COL22A1: variants seen among roughly 807,000 people sequenced by gnomAD.
COL22A1 encodes the protein collagen alpha-1(XXII) chain.
Under a neutral mutation model 248.9 loss-of-function variants are expected in COL22A1, and 221 were observed. The ratio of observed to expected loss-of-function variants is 0.89; its 90% CI spans 0.80 to 0.99. COL22A1 has a LOEUF of 0.99. COL22A1 is among the 50% of genes least tolerant of loss of function. The probability of loss-of-function intolerance (pLI) is 0.00; values close to 1 mark genes in which losing one functional copy is unlikely to be tolerated. For missense variants in COL22A1, 2,240 were observed against 2,179.0 expected, an observed-to-expected ratio of 1.03 and a Z score of -0.56; for synonymous variants, 891 against 793.4, an observed-to-expected ratio of 1.12 and a Z score of -2.07.
chr8:138,796,030 G>A (rs956863244), intron 12 of COL22A1, among the ~76,000 whole-genome samples: 21 of 152,308 alleles, frequency 1.4e-4, no homozygotes, highest in African/African-American at 4.1e-4. Flanking sequence ...CATTTGCACT[G>A]TAAAGTCTTG....
intron 2 of COL22A1, among the ~76,000 whole-genome samples, chr8:138,879,579 C>G (rs1824013385): frequency 1.3e-5 from 2 of 151,336 alleles, no homozygotes; most frequent in Admixed American, 1.3e-4. Flanking sequence ...GTAATCCCAG[C>G]TACTCAGGAG....
rs577854575 is a variant in COL22A1, at chr8:138,611,137, G to A, written c.3978+2730C>T. 3.9e-4 allele frequency among the ~76,000 whole-genome samples: 59 copies of A among 152,296 alleles called. No individual in the cohort carries two copies. In the South Asian group the frequency reaches 3.9e-3, roughly 10 times the overall value. Reference sequence around the variant, plus strand: ...GTTTGCACTCATCAAGAATTTGATCGCTGCCCTATGCCAAGAGGCCAGGGA... The same window carrying A: ...GTTTGCACTCATCAAGAATTTGATCACTGCCCTATGCCAAGAGGCCAGGGA... On this transcript the variant is annotated intron_variant, in intron 56 of 64. Transcript: ENST00000303045.
chr8:138,664,933 C>T (rs1157185707), intron 41 of COL22A1, among the ~76,000 whole-genome samples: 1 of 152,102 alleles, frequency 6.6e-6, no homozygotes, highest in African/African-American at 2.4e-5. Context: ...AGTCCCACAT[C>T]CTGCCCTCAG....
chr8:138,680,991 C>G (rs544272266), intron 39 of COL22A1, among the ~76,000 whole-genome samples: 1 of 151,894 alleles, frequency 6.6e-6, no homozygotes, highest in African/African-American at 2.4e-5. Context: ...CTCTTCCCCC[C>G]GGGGGGGGTC....
rs528506723 is a variant in COL22A1, at chr8:138,851,447, G to A, written c.659-7289C>T. On this transcript the variant is annotated intron_variant, in intron 3 of 64. Transcript: ENST00000303045. ...TTCAGAGCAATGGAGAGCTCACTCT[G>A]CCAGGTAGCAGCAGGCGCTGCTCAT... Among the ~76,000 whole-genome samples, 23 of 152,362 alleles carry A rather than the reference G, an allele frequency of 1.5e-4. No homozygotes were observed. The East Asian group carries it at 4.1e-3, about 27-fold the overall frequency.
chr8:138,878,151 G>T lies in COL22A1; in HGVS notation c.257C>A (p.Pro86His), dbSNP rs1387473020. 1 of 1,605,632 alleles carries T rather than the reference G, an allele frequency of 6.2e-7. No individual in the cohort carries two copies. Among genetic ancestry groups the T allele is most frequent in the Non-Finnish European group, 8.5e-7 (1 of 1,176,878 alleles). ...GAGTCCCAACTCGAAGGCCGTGGTG[G>T]GCCGGTCGCTGTAGCGCACGACCCC... ...RVGVVRYSDR[P>H]TTAFELGLFG... Residue 86 changes from proline (P) to histidine (H), a missense_variant, in exon 3 of 65, where the codon CCC (proline) becomes CAC (histidine). By Grantham distance (77) the Pro-to-His change is moderately conservative. Transcript: ENST00000303045.
chr8:138,779,662 C>T lies in COL22A1; in HGVS notation c.1651-100G>A, dbSNP rs951736666. 8 of 760,640 alleles carry T rather than the reference C, an allele frequency of 1.1e-5. No homozygotes were observed. In the African/African-American group the frequency reaches 1.2e-4, roughly 11 times the overall value. The allele number at this position is 760,640 out of a possible 1,614,324, so 47.1% of individuals were successfully genotyped here. ...CCCAGGGCCTCTGCTTCCTGCAGCT[C>T]AGAACACATCACAGAAACAAGGTAG... On this transcript the variant is annotated intron_variant, in intron 13 of 64. Transcript: ENST00000303045.
intron 36 of COL22A1, 145 bp downstream of exon 36, chr8:138,690,676 G>T: frequency 3.4e-6 from 2 of 595,392 alleles, no homozygotes; most frequent in Non-Finnish European, 2.8e-6. Context: ...GGTGGTCTAT[G>T]TCAGGACAGC....
At chr8:138,724,206 G>C (rs1320252994) in intron 25 of COL22A1, among the ~76,000 whole-genome samples, 1 of 152,200 alleles carries the variant, frequency 6.6e-6, no homozygotes, top group African/African-American at 2.4e-5. Flanking sequence ...GTTTGCAAGG[G>C]AGAAAACATG....
At chr8:138,596,455 G>A (rs1817545542) in intron 62 of COL22A1, among the ~76,000 whole-genome samples, 1 of 152,142 alleles carries the variant, frequency 6.6e-6, no homozygotes, top group Non-Finnish European at 1.5e-5. Context: ...ATGTTCATCT[G>A]TCCTCTTTTA....
At chr8:138,633,518 G>A (rs1176442434) in intron 49 of COL22A1, among the ~76,000 whole-genome samples, 2 of 152,240 alleles carry the variant, frequency 1.3e-5, no homozygotes, top group African/African-American at 4.8e-5. Context: ...AGATGAGGCT[G>A]TAATCCATTA....
intron 11 of COL22A1, among the ~76,000 whole-genome samples, chr8:138,800,577 T>C (rs1014007500): frequency 3.3e-5 from 5 of 152,138 alleles, no homozygotes; most frequent in African/African-American, 1.2e-4. Flanking sequence ...GAACCAAAAT[T>C]TGAATGTAGG....
At chr8:138,603,360 C>A (rs2131840510) in intron 59 of COL22A1, among the ~76,000 whole-genome samples, 1 of 152,232 alleles carries the variant, frequency 6.6e-6, no homozygotes, top group Middle Eastern at 3.4e-3. Flanking sequence ...AGCACAGAGC[C>A]TTGAAAGTTG....
At chr8:138,694,023 A>T (rs902269132) in intron 34 of COL22A1, among the ~76,000 whole-genome samples, 1 of 152,112 alleles carries the variant, frequency 6.6e-6, no homozygotes, top group Non-Finnish European at 1.5e-5. Context: ...CTACCATAGC[A>T]CAGAGTCTCC....
At chr8:138,633,770 C>A (rs1480358791) in intron 49 of COL22A1, among the ~76,000 whole-genome samples, 1 of 152,102 alleles carries the variant, frequency 6.6e-6, no homozygotes, top group African/African-American at 2.4e-5. Flanking sequence ...AAATACAGTG[C>A]AAAGCAACTA....
chr8:138,862,146 A>T (rs1822533227), intron 3 of COL22A1, among the ~76,000 whole-genome samples: 1 of 151,958 alleles, frequency 6.6e-6, no homozygotes. Flanking sequence ...TGAACCCAGG[A>T]GGTGAAGGTT....
At chr8:138,647,488 T>C (rs927356060) in intron 46 of COL22A1, among the ~76,000 whole-genome samples, 3 of 152,152 alleles carry the variant, frequency 2.0e-5, no homozygotes, top group Non-Finnish European at 4.4e-5. Context: ...AGAAATAGAG[T>C]CTGAATTATG....
chr8:138,592,734 TCGG>T (rs765299046), intron 63 of COL22A1, among the ~76,000 whole-genome samples: 58 of 95,980 alleles, frequency 6.0e-4, no homozygotes, highest in African/African-American at 2.1e-3. Context: ...TTATTCCTAA[TCGG>T]TCGGACAGGA....
intron 52 of COL22A1, among the ~76,000 whole-genome samples, chr8:138,620,993 CCACCCATCCAT>C (rs1564106710): frequency 1.3e-4 from 3 of 22,952 alleles, no homozygotes; most frequent in African/African-American, 2.0e-4. Context: ...ATCCATCCAT[CCACCCATCCAT>C]CCATCCATCC....
Sources: gnomAD v4.1 joint callset for allele counts (sites outside exome capture counted in the v4.1 genomes callset) on GRCh38, gnomAD v4.1.1 for gene constraint, MANE v1.5 for transcripts, NCBI Gene and HGNC (gene_info 2026-07-23, HGNC 2026-07-21) for gene names.